The following ANKFY1 variants were observed in gnomAD, a reference collection of about 807,000 sequenced individuals.
The protein encoded by ANKFY1 is ankyrin repeat and FYVE domain-containing protein 1.
In ANKFY1, 47 loss-of-function variants were observed where a neutral mutation model predicts 128.3. That is an observed-to-expected ratio of 0.37 (90% CI 0.29 to 0.47). The LOEUF (loss-of-function observed/expected upper bound fraction) is 0.47. Among genes scored for constraint, ANKFY1 ranks in the 20% least tolerant of loss-of-function variants. The pLI, the probability that ANKFY1 is intolerant of heterozygous loss-of-function variation, is 1.00. For missense variants in ANKFY1, 1,222 were observed against 1,510.6 expected (o/e 0.81, Z 3.17); for synonymous variants, 553 against 601.6 (o/e 0.92, Z 1.18).
Position 4,178,893 on chromosome 17 carries a change from C to T in ANKFY1, c.2562G>A (p.Glu854=). 6.2e-7 allele frequency: 1 copy of T among 1,614,226 alleles called. No individual in the cohort carries two copies. Among genetic ancestry groups the T allele is most frequent in the Non-Finnish European group, 8.5e-7 (1 of 1,180,046 alleles). ...CCCCGGACTCTCGTTTGAGAATGGC[C>T]TCGGCTGACTTGTTGTTCTTGAAAG... ...AMTFKNNKSA[E]AILKRESGAA... Residue 854 remains glutamate (E), a synonymous_variant, in exon 18 of 25, where the codon GAG becomes GAA. Transcript: ENST00000341657. The surrounding 1 kb of genome is among the most constrained non-coding windows in gnomAD (Gnocchi z 4.1).
rs2059301153 is a variant in ANKFY1 at position 4,170,712 on chromosome 17, C to A, written c.3286+3G>T. On this transcript the variant is annotated splice_donor_region_variant and intron_variant, in intron 23 of 24. Transcript: ENST00000341657. ...CTGTGAGAGCAGAGAGCGGGCCACT[C>A]ACCCAGCAGTCGGAACAGGAGCTGC... is the stretch of plus-strand genomic sequence containing the variant. 1.2e-6 allele frequency: 2 copies of A among 1,606,314 alleles called. No homozygotes were observed.
chr17:4,170,887 C>A (rs776980697), intron 22 of ANKFY1, 26 bp from the exon 23 acceptor site: 4 of 1,613,884 alleles, frequency 2.5e-6, no homozygotes, highest in Non-Finnish European at 2.5e-6. Context: ...ACGCGCAGGG[C>A]TACTTCCCAC....
intron 24 of ANKFY1, 140 bp from the exon 25 acceptor site, chr17:4,168,051 G>A (rs886575090): frequency 3.2e-5 from 27 of 852,228 alleles, no homozygotes; most frequent in South Asian, 4.3e-5. Flanking sequence ...CTGCCAGCCC[G>A]GTTACCACAA....
At chr17:4,225,410 T>C (rs1283536719) in intron 3 of ANKFY1, among the ~76,000 whole-genome samples, 1 of 152,148 alleles carries the variant, frequency 6.6e-6, no homozygotes, top group Non-Finnish European at 1.5e-5. Flanking sequence ...GACAGTATCA[T>C]TTTTATCAAT....
intron 7 of ANKFY1, among the ~76,000 whole-genome samples, chr17:4,201,899 T>C (rs2059934270): frequency 1.3e-5 from 2 of 152,122 alleles, no homozygotes; most frequent in Non-Finnish European, 2.9e-5. Flanking sequence ...ACGGATTTGG[T>C]ATAGGAAAAA....
At chr17:4,242,720 C>A (rs1967312564) in intron 1 of ANKFY1, among the ~76,000 whole-genome samples, 1 of 152,172 alleles carries the variant, frequency 6.6e-6, no homozygotes, top group African/African-American at 2.4e-5. Flanking sequence ...GTACTGTCTC[C>A]ACGTTTTTAA....
Position 4,209,362 on chromosome 17 carries a change from G to A in ANKFY1, c.582+462C>T, listed in dbSNP as rs935047346. Among the ~76,000 whole-genome samples the A allele has an allele frequency of 3.9e-5, 6 of 152,242 alleles. 1 individual carries two copies. The highest frequency in any genetic ancestry group is 6.5e-5 in the Admixed American group (1 of 15,292). ...GTCACCCAGGCTGGAGTGCAGTGGC[G>A]CGATCTCAGTTCACCGCAACCTCCG... On this transcript the variant is annotated intron_variant, in intron 5 of 24. Coordinates refer to ENST00000341657, the MANE Select transcript of ANKFY1 (RefSeq NM_001330063.2).
chr17:4,212,770 CT>C (rs35264086), intron 4 of ANKFY1, among the ~76,000 whole-genome samples: 3,011 of 130,824 alleles, frequency 0.023, 83 homozygotes, highest in African/African-American at 0.069. Context: ...GCAGAACACA[CT>C]TTTTTTTTTT....
intron 11 of ANKFY1, chr17:4,186,740 C>A (rs2059618831): frequency 1.4e-5 from 13 of 906,088 alleles, no homozygotes; most frequent in Non-Finnish European, 1.7e-5. Context: ...TCGGGGCTGT[C>A]TTCTGTTCCA....
At chr17:4,249,162 C>T in intron 1 of ANKFY1, 1 of 982,890 alleles carries the variant, frequency 1.0e-6, no homozygotes, top group East Asian at 1.1e-4. Context: ...CCTTCTAGGT[C>T]AGGAGTTGGC....
At chr17:4,241,129 T>C (rs952698159) in intron 2 of ANKFY1, among the ~76,000 whole-genome samples, 1 of 152,216 alleles carries the variant, frequency 6.6e-6, no homozygotes, top group Non-Finnish European at 1.5e-5. Flanking sequence ...GTGCTGAACA[T>C]GCATCTATTG....
intron 21 of ANKFY1, 76 bp downstream of exon 21, chr17:4,173,270 GGGGCTGAT>G: frequency 7.4e-7 from 1 of 1,353,542 alleles, no homozygotes; most frequent in Non-Finnish European, 1.1e-6. Flanking sequence ...GCTCCTCCCT[GGGGCTGAT>G]GGGAGGCACC....
intron 1 of ANKFY1, among the ~76,000 whole-genome samples, chr17:4,256,158 G>A (rs1281973309): frequency 6.6e-6 from 1 of 151,974 alleles, no homozygotes; most frequent in Non-Finnish European, 1.5e-5. Flanking sequence ...GCCAGGCGCG[G>A]TGGCTCATGC....
At chr17:4,172,801 A>G (rs1388752143) in intron 21 of ANKFY1, 121 bp from the exon 22 acceptor site, 3 of 1,352,294 alleles carry the variant, frequency 2.2e-6, no homozygotes, top group South Asian at 1.4e-5. Flanking sequence ...ACAAGTCACA[A>G]AAGTTTTTCT....
intron 1 of ANKFY1, among the ~76,000 whole-genome samples, chr17:4,247,126 A>G (rs77630087): frequency 6.6e-6 from 1 of 150,566 alleles, no homozygotes; most frequent in Non-Finnish European, 1.5e-5. Flanking sequence ...AAAAAAAAAA[A>G]GAGAGAAAAA....
intron 1 of ANKFY1, among the ~76,000 whole-genome samples, chr17:4,244,918 A>G (rs1967455766): frequency 2.0e-5 from 3 of 151,978 alleles, no homozygotes; most frequent in Admixed American, 2.0e-4. Context: ...CACATCTGAA[A>G]TCCTCAGCCC....
chr17:4,262,369 C>T (rs1270153279), intron 1 of ANKFY1, among the ~76,000 whole-genome samples: 3 of 152,196 alleles, frequency 2.0e-5, no homozygotes, highest in Admixed American at 1.3e-4. Context: ...TCAAGCGATT[C>T]TTGTGCCTCA....
At chr17:4,206,541 T>G in intron 6 of ANKFY1, 55 bp from the exon 7 acceptor site, 1 of 1,526,686 alleles carries the variant, frequency 6.6e-7, no homozygotes, top group Middle Eastern at 1.7e-4. Context: ...ACGACCTATT[T>G]TAATTTCTCC....
chr17:4,194,285 C>T (rs2059776612), intron 10 of ANKFY1, among the ~76,000 whole-genome samples: 1 of 150,572 alleles, frequency 6.6e-6, no homozygotes, highest in African/African-American at 2.4e-5. Flanking sequence ...TTTGTTTTTT[C>T]AGTAGCGACA....
Sources: allele counts gnomAD v4.1 joint callset (sites outside exome capture counted in the v4.1 genomes callset), GRCh38; gene constraint gnomAD v4.1.1; non-coding constraint Gnocchi (gnomAD v3.1); transcripts MANE v1.5; gene names NCBI Gene and HGNC (gene_info 2026-07-23, HGNC 2026-07-21).